Variants in AVIL observed in about 807,000 individuals in gnomAD.
AVIL encodes the protein advillin.
A neutral mutation model predicts 109.9 loss-of-function variants in AVIL; 78 were observed. The ratio of observed to expected loss-of-function variants is 0.71; its 90% confidence interval spans 0.59 to 0.86. The LOEUF is 0.86. Among genes scored for constraint, AVIL ranks in the 40% least tolerant of loss-of-function variants. AVIL has a pLI of 0.00. For missense variants in AVIL, 892 were observed against 1,016.5 expected, an observed-to-expected ratio of 0.88 and a Z score of 1.67; for synonymous variants, 367 against 379.1, an observed-to-expected ratio of 0.97 and a Z score of 0.37.
chr12:57,801,419 C>G (rs537620216), intron 17 of AVIL: 13 of 432,822 alleles, frequency 3.0e-5, no homozygotes, highest in South Asian at 3.0e-4. Flanking sequence ...ATGGTAACCC[C>G]TCAGTCCTCC....
At chr12:57,799,688 T>C (rs2140434994) in intron 19 of AVIL, 107 bp downstream of exon 19, 4 of 1,493,312 alleles carry the variant, frequency 2.7e-6, no homozygotes, top group East Asian at 2.3e-5. Flanking sequence ...CAGATGTCCA[T>C]TGAGCGGCTA....
intron 2 of AVIL, chr12:57,815,680 T>G: frequency 1.5e-6 from 2 of 1,362,976 alleles, no homozygotes; most frequent in Non-Finnish European, 1.9e-6. Flanking sequence ...CACCTGTCTT[T>G]CCAGGGTGTT....
chr12:57,798,815 C>T (rs1412677942), intron 19 of AVIL, among the ~76,000 whole-genome samples: 1 of 152,032 alleles, frequency 6.6e-6, no homozygotes, highest in Non-Finnish European at 1.5e-5. Flanking sequence ...CGGGGTTTCA[C>T]CATATTGGCC....
intron 17 of AVIL, among the ~76,000 whole-genome samples, chr12:57,801,748 GAAAA>G (rs1178752883): frequency 6.8e-6 from 1 of 147,170 alleles, no homozygotes; most frequent in Non-Finnish European, 1.5e-5. Flanking sequence ...CTCAAAAAAA[GAAAA>G]AAAAAAGTTG....
intron 13 of AVIL, among the ~76,000 whole-genome samples, chr12:57,807,101 G>C (rs142572759): frequency 6.6e-6 from 1 of 152,272 alleles, no homozygotes; most frequent in African/African-American, 2.4e-5. Flanking sequence ...TAGGTAATAT[G>C]GGTCAGGTTA....
At chr12:57,800,136 C>G in intron 18 of AVIL, 1 of 573,978 alleles carries the variant, frequency 1.7e-6, no homozygotes, top group Non-Finnish European at 2.9e-6. Flanking sequence ...AAAGCTGATT[C>G]AGTAAGTCCA....
In AVIL at chr12:57,815,984, CCAGA is replaced by C. The variant is rs200658138; in HGVS notation, c.53_56del (p.Val18GlyfsTer3). Reference sequence around the variant, plus strand: ...CTCCAGCCCAGCTCACCTCTATTCTCCAGACAATGATCCCAGGGTCGTTGTCCAC... The same window carrying C: ...CTCCAGCCCAGCTCACCTCTATTCTCCAATGATCCCAGGGTCGTTGTCCAC... On this transcript the variant is annotated frameshift_variant, in exon 2 of 20. Coordinates refer to ENST00000549994, the MANE Select transcript of AVIL (RefSeq NM_006576.4). LOFTEE classifies it high-confidence loss of function. The C allele has an allele frequency of 6.2e-7, 1 of 1,614,200 alleles. No homozygotes were observed. The highest frequency in any genetic ancestry group is 2.2e-5 in the East Asian group (1 of 44,892).
chr12:57,803,289 G>T lies in AVIL; in HGVS notation c.1920C>A (p.Asp640Glu), dbSNP rs1398287854. 6.2e-7 allele frequency: 1 copy of T among 1,614,166 alleles called. No individual in the cohort carries two copies. ...VTEITDFTQD[D>E]LNPTDVMLLD... ...GGAGCATCACGTCAGTAGGGTTCAG[G>T]TCATCCTGGGTGAAGTCTGTGATCT... The change falls in exon 16 of 20, where the codon GAC becomes GAA. Residue 640 changes from aspartate (D) to glutamate (E), a missense_variant. Asp to Glu is a conservative substitution (Grantham distance 45). Coordinates refer to ENST00000549994, the MANE Select transcript of AVIL (RefSeq NM_006576.4).
At chr12:57,801,260 G>A (rs1955842750) in intron 17 of AVIL, 48 bp from the exon 18 acceptor site, 1 of 1,503,954 alleles carries the variant, frequency 6.6e-7, no homozygotes, top group Non-Finnish European at 9.2e-7. Flanking sequence ...TCTTATAGGG[G>A]AGGGACATCT....
At chr12:57,813,135 C>T (rs1956057931) in intron 4 of AVIL, 92 bp downstream of exon 4, 1 of 1,410,316 alleles carries the variant, frequency 7.1e-7, no homozygotes, top group Non-Finnish European at 9.7e-7. Context: ...TTGCATTTCT[C>T]TGATTACTTT....
chr12:57,802,113 T>C (rs1400508537), intron 17 of AVIL, 47 bp downstream of exon 17: 2 of 1,592,310 alleles, frequency 1.3e-6, no homozygotes, highest in Admixed American at 3.4e-5. Flanking sequence ...TGAGCTGTTC[T>C]GAGCTACCTG....
At chr12:57,813,605 T>C (rs2140459558) in intron 3 of AVIL, among the ~76,000 whole-genome samples, 182 bp from the exon 4 acceptor site, 1 of 152,360 alleles carries the variant, frequency 6.6e-6, no homozygotes, top group East Asian at 1.9e-4. Context: ...GCATAAACTT[T>C]GGCAGCCCAA....
At chr12:57,798,241 G>A (rs1473739814) in intron 19 of AVIL, among the ~76,000 whole-genome samples, 3 of 152,200 alleles carry the variant, frequency 2.0e-5, no homozygotes, top group South Asian at 2.1e-4. Context: ...GCCAGCAAGC[G>A]CCAGTTTCTT....
At chr12:57,813,188 A>G in intron 4 of AVIL, 39 bp downstream of exon 4, 1 of 1,560,240 alleles carries the variant, frequency 6.4e-7, no homozygotes, top group East Asian at 2.3e-5. Flanking sequence ...TCCTCTGTAA[A>G]CTGCTGTTTC....
chr12:57,812,990 G>A (rs1956056018), intron 4 of AVIL, among the ~76,000 whole-genome samples: 1 of 152,194 alleles, frequency 6.6e-6, no homozygotes, highest in African/African-American at 2.4e-5. Context: ...CTACTCTCCA[G>A]GATGCTGCGC....
intron 14 of AVIL, chr12:57,806,133 C>CCT: frequency 1.4e-5 from 2 of 141,974 alleles, no homozygotes. Flanking sequence ...CCGTGCCCAG[C>CCT]TTTTTTTTTT....
In AVIL at chr12:57,813,261, C is replaced by T. The variant is rs574987078; in HGVS notation, c.304G>A (p.Asp102Asn). Reference protein sequence around the residue: ...QHREVQYHESDTFRGYFKQGI... With the variant: ...QHREVQYHESNTFRGYFKQGI... ...TGCTTGAAGTAGCCACGGAAAGTGT[C>T]TGACTCATGGTACTGGACCTCTCGG... is the stretch of plus-strand genomic sequence containing the variant. The change falls in exon 4 of 20, where the codon GAC becomes AAC. Residue 102 changes from aspartate to asparagine, a missense_variant. Physicochemically the swap from Asp to Asn is conservative, Grantham distance 23. Transcript: ENST00000549994. 1 of 1,613,750 alleles carries T rather than the reference C, an allele frequency of 6.2e-7. No individual in the cohort carries two copies. The highest frequency in any genetic ancestry group is 1.1e-5 in the South Asian group (1 of 91,066).
In AVIL at chr12:57,811,113, C is replaced by T; in HGVS notation, c.353G>A (p.Gly118Asp). 1.9e-6 allele frequency: 3 copies of T among 1,613,910 alleles called. No homozygotes were observed. The highest frequency in any genetic ancestry group is 2.5e-6 in the Non-Finnish European group (3 of 1,179,860). The change falls in exon 5 of 20, where the codon GGT becomes GAT. Residue 118 changes from glycine (G) to aspartate (D), a missense_variant. Physicochemically the swap from Gly to Asp is moderately conservative, Grantham distance 94 (BLOSUM62 -1). Transcript: ENST00000549994. ...FKQGIIYKQG[G>D]VASGMKHVET... Reference sequence around the variant, plus strand: ...CACGTGCTTCATCCCAGAGGCGACACCCCCCTGCTTGTAGCTAAGGGAACA... The same window carrying T: ...CACGTGCTTCATCCCAGAGGCGACATCCCCCTGCTTGTAGCTAAGGGAACA...
intron 11 of AVIL, 179 bp downstream of exon 11, chr12:57,808,015 T>A: frequency 1.2e-6 from 1 of 811,200 alleles, no homozygotes; most frequent in South Asian, 1.4e-5. Flanking sequence ...CATTTGAGGA[T>A]GTGCCTTTCA....
Sources: allele counts gnomAD v4.1 joint callset (sites outside exome capture counted in the v4.1 genomes callset), GRCh38; gene constraint gnomAD v4.1.1; transcripts MANE v1.5; gene names NCBI Gene and HGNC (gene_info 2026-07-23, HGNC 2026-07-21).